Variants in ASB1 observed in about 807,000 individuals in gnomAD.
The protein encoded by ASB1 is ankyrin repeat and SOCS box containing 1.
In ASB1, 18 loss-of-function variants were observed where a neutral mutation model predicts 27.7. The ratio of observed to expected loss-of-function variants is 0.65; its 90% CI spans 0.45 to 0.96. The LOEUF (loss-of-function observed/expected upper bound fraction) is 0.96. Among genes scored for constraint, ASB1 ranks in the 50% least tolerant of loss-of-function variants. ASB1 has a pLI of 0.00. For synonymous variants in ASB1, 189 were observed against 187.6 expected, an observed-to-expected ratio of 1.01 and a Z score of -0.06; for missense variants, 397 against 451.7, an observed-to-expected ratio of 0.88 and a Z score of 1.10.
intron 3 of ASB1, 104 bp downstream of exon 3, chr2:238,436,117 C>G: frequency 8.6e-7 from 1 of 1,159,530 alleles, no homozygotes; most frequent in African/African-American, 1.6e-5. Flanking sequence ...GATGACTCGC[C>G]TGTTTTGCTG....
chr2:238,438,269 G>C (rs867603539), intron 3 of ASB1, among the ~76,000 whole-genome samples: 1 of 144,158 alleles, frequency 6.9e-6, no homozygotes, highest in Non-Finnish European at 1.5e-5. Flanking sequence ...GCGCTATCTC[G>C]GTTCACTGCA....
chr2:238,441,607 C>T (rs1264311332), intron 3 of ASB1, among the ~76,000 whole-genome samples: 1 of 152,210 alleles, frequency 6.6e-6, no homozygotes, highest in Non-Finnish European at 1.5e-5. Context: ...TGCTTTCCCT[C>T]CCTCTTCCTG....
intron 1 of ASB1, among the ~76,000 whole-genome samples, chr2:238,431,740 C>T (rs1701874622): frequency 6.7e-6 from 1 of 150,274 alleles, no homozygotes; most frequent in Non-Finnish European, 1.5e-5. Context: ...AACAGGGAGG[C>T]CTGAGGAGAG....
At chr2:238,445,846 C>A (rs518873) in intron 4 of ASB1, among the ~76,000 whole-genome samples, 118,533 of 152,246 alleles carry the variant, frequency 0.78, 46,404 homozygotes, top group African/African-American at 0.82. Flanking sequence ...CTGATAGAAG[C>A]AGCAGCTTGC....
In ASB1 at chr2:238,446,618, T is replaced by G; in HGVS notation, c.*107T>G. 1 of 1,419,574 alleles carries G rather than the reference T, an allele frequency of 7.0e-7. No individual in the cohort carries two copies. The highest frequency in any genetic ancestry group is 1.2e-5 in the South Asian group (1 of 86,434). 87.9% of individuals were successfully genotyped at this position (1,419,574 alleles called of 1,614,324 possible). A position where few individuals can be genotyped will look rare whatever the true frequency, so the allele number is the denominator to read the frequency against. Reference sequence around the variant, plus strand: ...CTGCTGGTCTCCTGATGGCTGTTGCTGCAGAAGATGTCCTCGTAGACTGTC... The same window carrying G: ...CTGCTGGTCTCCTGATGGCTGTTGCGGCAGAAGATGTCCTCGTAGACTGTC... On this transcript the variant is annotated 3_prime_UTR_variant, in exon 5 of 5. Coordinates refer to ENST00000264607, the MANE Select transcript of ASB1 (RefSeq NM_001040445.3).
At chr2:238,440,427 G>A (rs139481668) in intron 3 of ASB1, among the ~76,000 whole-genome samples, 40 of 152,272 alleles carry the variant, frequency 2.6e-4, no homozygotes, top group Non-Finnish European at 2.6e-4. Flanking sequence ...TGCCTTTCGC[G>A]TTTACTATTC....
At chr2:238,443,332 C>T in intron 3 of ASB1, among the ~76,000 whole-genome samples, 1 of 151,922 alleles carries the variant, frequency 6.6e-6, no homozygotes, top group East Asian at 1.9e-4. Flanking sequence ...TGGAATTTTC[C>T]CTTCTACTTT....
chr2:238,446,396 C>A lies in ASB1; in HGVS notation c.893C>A (p.Thr298Asn). Residue 298 changes from threonine to asparagine, a missense_variant, in exon 5 of 5, where the codon ACC (threonine) becomes AAC (asparagine). Physicochemically the swap from Thr to Asn is moderately conservative, Grantham distance 65 (BLOSUM62 0). Transcript: ENST00000264607. ...CCACGGCCTTCAGGTGTTCCCAGAA[C>A]CTTGCTGTGTCTGTGCCGTGTGGCT... ...VFKEARSVPRTLLCLCRVAVR... is the reference protein window; with the variant it reads ...VFKEARSVPRNLLCLCRVAVR... 6.2e-7 allele frequency: 1 copy of A among 1,608,612 alleles called. No homozygotes were observed. Among genetic ancestry groups the A allele is most frequent in the Non-Finnish European group, 8.5e-7 (1 of 1,177,316 alleles).
At chr2:238,439,266 C>A (rs2106407038) in intron 3 of ASB1, among the ~76,000 whole-genome samples, 1 of 152,152 alleles carries the variant, frequency 6.6e-6, no homozygotes, top group African/African-American at 2.4e-5. Flanking sequence ...GCTTCATTGT[C>A]ATGTGAGTGT....
At chr2:238,446,273 G>T in intron 4 of ASB1, 111 bp from the exon 5 acceptor site, 1 of 1,248,076 alleles carries the variant, frequency 8.0e-7, no homozygotes, top group Non-Finnish European at 1.1e-6. Context: ...TTTTGAAGTT[G>T]GTAGTGAGCA....
intron 1 of ASB1, among the ~76,000 whole-genome samples, chr2:238,432,687 A>G (rs1046826225): frequency 4.6e-5 from 7 of 152,332 alleles, no homozygotes; most frequent in African/African-American, 1.7e-4. Context: ...TACCAGTACT[A>G]AGATATTTGC....
chr2:238,447,073 T>C lies in ASB1; in HGVS notation c.*562T>C, dbSNP rs1370308550. On this transcript the variant is annotated 3_prime_UTR_variant, in exon 5 of 5. Coordinates refer to ENST00000264607, the MANE Select transcript of ASB1 (RefSeq NM_001040445.3). Reference sequence around the variant, plus strand: ...TTCTCTCTTTGCGATGGAGGTCTCATAGTGAGTGTCTTCACTCAAGGGTGG... The same window carrying C: ...TTCTCTCTTTGCGATGGAGGTCTCACAGTGAGTGTCTTCACTCAAGGGTGG... 6.4e-6 allele frequency: 1 copy of C among 157,048 alleles called. No homozygotes were observed. Among genetic ancestry groups the C allele is most frequent in the African/African-American group, 2.4e-5 (1 of 41,446 alleles). 9.7% of individuals were successfully genotyped at this position (157,048 alleles called of 1,614,324 possible).
intron 4 of ASB1, among the ~76,000 whole-genome samples, chr2:238,445,203 T>A (rs1702156306): frequency 6.6e-6 from 1 of 152,106 alleles, no homozygotes; most frequent in Non-Finnish European, 1.5e-5. Context: ...TGTGTTGAAC[T>A]CCTGGGCTCA....
chr2:238,435,861 C>T lies in ASB1; in HGVS notation c.342C>T (p.Ala114=), dbSNP rs1701959329. The change falls in exon 3 of 5, where the codon GCC becomes GCT. Residue 114 remains alanine (A), a synonymous_variant. Transcript: ENST00000264607. ...TGGTGGACGTAAAAGGACAGACGGC[C>T]CTGTATGTGGCTGTGGTGAACGGGC... ...VDLVDVKGQT[A]LYVAVVNGHL... is the part of the protein sequence containing the mutation. The T allele has an allele frequency of 6.2e-7, 1 of 1,614,236 alleles. No homozygotes were observed. Among genetic ancestry groups the T allele is most frequent in the East Asian group, 2.2e-5 (1 of 44,890 alleles).
In ASB1 at chr2:238,433,789, G is replaced by A. The variant is rs557906063; in HGVS notation, c.191+94G>A. 3.9e-5 allele frequency: 55 copies of A among 1,417,998 alleles called. No individual in the cohort carries two copies. In the East Asian group the frequency reaches 1.2e-3, roughly 30 times the overall value. 87.8% of individuals were successfully genotyped at this position (1,417,998 alleles called of 1,614,324 possible). A position where few individuals can be genotyped will look rare whatever the true frequency, so the allele number is the denominator to read the frequency against. On this transcript the variant is annotated intron_variant, in intron 2 of 4. Transcript: ENST00000264607. Reference sequence around the variant, plus strand: ...CAGTCGCTGTGCAGATGAAGACCTTGATGTTGGGAGGAATGTGTTCCAGTT... The same window carrying A: ...CAGTCGCTGTGCAGATGAAGACCTTAATGTTGGGAGGAATGTGTTCCAGTT...
rs1454538082 is a variant in ASB1 at position 238,433,673 on chromosome 2, T to C, written c.169T>C (p.Leu57=). 1.2e-6 allele frequency: 2 copies of C among 1,614,016 alleles called. No homozygotes were observed. Among genetic ancestry groups the C allele is most frequent in the Admixed American group, 3.3e-5 (2 of 60,018 alleles). ...VGDLQTLRSL[L]QEESYRSRIN... is the part of the protein sequence containing the mutation. ...GGACCTCCAGACCCTCAGGAGCCTATTGCAAGAGGAGAGCTACCGGAGGTG... is the reference window on the plus strand; with the variant it reads ...GGACCTCCAGACCCTCAGGAGCCTACTGCAAGAGGAGAGCTACCGGAGGTG... Residue 57 remains leucine (L), a synonymous_variant, in exon 2 of 5, where the codon TTG becomes CTG. Transcript: ENST00000264607.
chr2:238,428,247 A>G (rs926159380), intron 1 of ASB1, among the ~76,000 whole-genome samples: 1 of 152,222 alleles, frequency 6.6e-6, no homozygotes, highest in African/African-American at 2.4e-5. Context: ...TTCCCAGTAT[A>G]AAGAGAGTTC....
intron 3 of ASB1, among the ~76,000 whole-genome samples, chr2:238,442,899 G>A (rs1422309479): frequency 1.3e-5 from 2 of 152,106 alleles, no homozygotes; most frequent in African/African-American, 4.8e-5. Context: ...CCATCATTCT[G>A]TCAATTTTGT....
At position 238,446,777 on chromosome 2, in the gene ASB1, A is replaced by G. The variant is rs931200359; in HGVS notation, c.*266A>G. On this transcript the variant is annotated 3_prime_UTR_variant, in exon 5 of 5. Coordinates refer to ENST00000264607, the MANE Select transcript of ASB1 (RefSeq NM_001040445.3). ...CAGTTGCATATTAATGTAACGGGCC[A>G]TGGGGTATGTACATGTAGGGGCTGA... 5 of 439,940 alleles carry G rather than the reference A, an allele frequency of 1.1e-5. No homozygotes were observed. In the Admixed American group the frequency reaches 1.9e-4, roughly 16 times the overall value. The allele number at this position is 439,940 out of a possible 1,614,324, so 27.3% of individuals were successfully genotyped here. A position where few individuals can be genotyped will look rare whatever the true frequency, so the allele number is the denominator to read the frequency against.
Sources: gnomAD v4.1 joint callset for allele counts (sites outside exome capture counted in the v4.1 genomes callset) on GRCh38, gnomAD v4.1.1 for gene constraint, MANE v1.5 for transcripts, NCBI Gene and HGNC (gene_info 2026-07-23, HGNC 2026-07-21) for gene names.